The following TENM2 variants were observed in gnomAD, a reference collection of about 807,000 sequenced individuals.
TENM2 encodes the protein teneurin transmembrane protein 2.
A neutral mutation model predicts 245.2 loss-of-function variants in TENM2; 52 were observed. That is an observed-to-expected ratio of 0.21 (90% CI 0.17 to 0.27). TENM2 has a LOEUF of 0.27. TENM2 is among the 10% of genes least tolerant of loss of function. The pLI, the probability that TENM2 is intolerant of heterozygous loss-of-function variation, is 1.00. For missense variants in TENM2, 3,046 were observed against 3,666.8 expected (o/e 0.83, Z 4.37); for synonymous variants, 1,363 against 1,438.9 (o/e 0.95, Z 1.19).
intron 2 of TENM2, among the ~76,000 whole-genome samples, chr5:167,391,766 A>G (rs1761773556): frequency 6.6e-6 from 1 of 152,186 alleles, no homozygotes; most frequent in African/African-American, 2.4e-5. Context: ...AAGTAAGACA[A>G]CTAAGTAGAA....
chr5:167,222,332 A>G, the TENM2 span, among the ~76,000 whole-genome samples: 11 of 152,170 alleles, frequency 7.2e-5, no homozygotes, highest in African/African-American at 2.7e-4. Flanking sequence ...CCAAAACGCA[A>G]TGGTCAGAAG....
intron 5 of TENM2, among the ~76,000 whole-genome samples, chr5:167,995,392 A>C (rs1056448823): frequency 1.1e-4 from 17 of 152,246 alleles, no homozygotes; most frequent in African/African-American, 4.1e-4. Flanking sequence ...TTAGTTCATA[A>C]TCCATCATTT....
intron 3 of TENM2, among the ~76,000 whole-genome samples, chr5:167,947,441 G>A (rs1341953112): frequency 2.0e-5 from 3 of 152,146 alleles, no homozygotes; most frequent in African/African-American, 7.2e-5. Context: ...AGAAAAATAT[G>A]TCACTTTCCA....
chr5:167,112,239 G>C, the TENM2 span, among the ~76,000 whole-genome samples: 1 of 152,206 alleles, frequency 6.6e-6, no homozygotes, highest in Non-Finnish European at 1.5e-5. Context: ...GTTTGGCAGA[G>C]CATGAATACC....
chr5:167,668,000 A>G (rs530507221), intron 2 of TENM2, among the ~76,000 whole-genome samples: 10 of 152,184 alleles, frequency 6.6e-5, no homozygotes, highest in Non-Finnish European at 1.3e-4. Flanking sequence ...ATCAAATAAG[A>G]TATTGATCTT....
intron 4 of TENM2, among the ~76,000 whole-genome samples, chr5:167,981,979 C>CAAAAAAA (rs58295569): frequency 2.0e-5 from 2 of 100,758 alleles, no homozygotes; most frequent in African/African-American, 7.6e-5. Context: ...TGTTTCAGAC[C>CAAAAAAA]AAAAAAAAAA....
intron 2 of TENM2, among the ~76,000 whole-genome samples, chr5:167,443,004 G>A (rs1196807951): frequency 6.6e-6 from 1 of 152,078 alleles, no homozygotes; most frequent in Non-Finnish European, 1.5e-5. Flanking sequence ...ATCCTTTCTG[G>A]GCTAAAAATG....
chr5:167,267,765 G>A, the TENM2 span, among the ~76,000 whole-genome samples: 2 of 152,154 alleles, frequency 1.3e-5, no homozygotes, highest in Non-Finnish European at 2.9e-5. Context: ...GGATCCTTAG[G>A]AAATGCAGGG....
intron 19 of TENM2, among the ~76,000 whole-genome samples, chr5:168,210,456 A>G (rs1762704643): frequency 6.6e-6 from 1 of 152,192 alleles, no homozygotes; most frequent in Non-Finnish European, 1.5e-5. Flanking sequence ...AAATATGACT[A>G]CCACTGGTGG....
chr5:167,542,333 A>G (rs897221008), intron 2 of TENM2, among the ~76,000 whole-genome samples: 5 of 152,200 alleles, frequency 3.3e-5, no homozygotes, highest in Non-Finnish European at 5.9e-5. Flanking sequence ...AGTGAACTTC[A>G]TGAAGATTTA....
At chr5:167,234,696 A>T in the TENM2 span, among the ~76,000 whole-genome samples, 2 of 152,214 alleles carry the variant, frequency 1.3e-5, no homozygotes, top group Admixed American at 6.5e-5. Context: ...ACATTTCAAA[A>T]CAAATAGAAA....
the TENM2 span, among the ~76,000 whole-genome samples, chr5:167,040,574 C>A: frequency 1.3e-5 from 2 of 151,962 alleles, no homozygotes; most frequent in Non-Finnish European, 2.9e-5. Context: ...CCTTGAATAC[C>A]TATTCGTCAC....
intron 2 of TENM2, among the ~76,000 whole-genome samples, chr5:167,582,476 G>T (rs1775158788): frequency 1.3e-5 from 2 of 151,386 alleles, no homozygotes; most frequent in Non-Finnish European, 1.5e-5. Flanking sequence ...TATAAGAAAT[G>T]GGCAAAAATT....
chr5:167,034,585 C>G, the TENM2 span, among the ~76,000 whole-genome samples: 123 of 148,624 alleles, frequency 8.3e-4, no homozygotes, highest in African/African-American at 3.0e-3. Context: ...AGCCGAGATC[C>G]CGCCACTGCA....
At chr5:168,155,182 C>T (rs1306718385) in intron 12 of TENM2, among the ~76,000 whole-genome samples, 3 of 152,194 alleles carry the variant, frequency 2.0e-5, no homozygotes, top group African/African-American at 7.2e-5. Flanking sequence ...TTTGCCACTG[C>T]TGTTCAGTAT....
At chr5:167,523,000 C>T (rs1201568485) in intron 2 of TENM2, among the ~76,000 whole-genome samples, 1 of 152,090 alleles carries the variant, frequency 6.6e-6, no homozygotes, top group Non-Finnish European at 1.5e-5. Context: ...TGGCCTCTTC[C>T]AGCTTCTGAA....
At chr5:167,230,665 C>A in the TENM2 span, among the ~76,000 whole-genome samples, 4 of 152,092 alleles carry the variant, frequency 2.6e-5, no homozygotes, top group African/African-American at 9.7e-5. Flanking sequence ...TAGGATGGAG[C>A]TCTGGCCTCC....
In TENM2 at chr5:168,247,246, A is replaced by T; in HGVS notation, c.6307A>T (p.Ile2103Phe). 6.2e-7 allele frequency: 1 copy of T among 1,613,996 alleles called. No individual in the cohort carries two copies. ...TGACAACAGCTTCCGCATCGCAAGCATCAAGCCCGTCATAAGTGAGACTCC... is the reference window on the plus strand; with the variant it reads ...TGACAACAGCTTCCGCATCGCAAGCTTCAAGCCCGTCATAAGTGAGACTCC... Residue 2103 changes from isoleucine to phenylalanine, a missense_variant, in exon 27 of 29, where the codon ATC (isoleucine) becomes TTC (phenylalanine). Ile to Phe is a conservative substitution (Grantham distance 21). Coordinates refer to ENST00000518659, the Ensembl canonical transcript of TENM2. This position sits in a 1 kb window ranked among gnomAD's most constrained non-coding sequence, Gnocchi z 7.8.
intron 2 of TENM2, among the ~76,000 whole-genome samples, chr5:167,600,591 A>G (rs2127727178): frequency 6.6e-6 from 1 of 152,328 alleles, no homozygotes; most frequent in East Asian, 1.9e-4. Context: ...TCAACTCAGG[A>G]CTGATGAGTT....
Sources: gnomAD v4.1 joint callset for allele counts (sites outside exome capture counted in the v4.1 genomes callset) on GRCh38, gnomAD v4.1.1 for gene constraint, Gnocchi (gnomAD v3.1) non-coding constraint, MANE v1.5 for transcripts, NCBI Gene and HGNC (gene_info 2026-07-23, HGNC 2026-07-21) for gene names.